The following DLG2 variants were observed in gnomAD, a reference collection of about 807,000 sequenced individuals.
DLG2 encodes the protein discs large MAGUK scaffold protein 2, also known as disks large homolog 2.
Under a neutral mutation model 132.5 loss-of-function variants are expected in DLG2, and 45 were observed. The observed-to-expected ratio is 0.34, with a 90% CI of 0.27 to 0.44. DLG2 has a LOEUF of 0.44. Ranked by LOEUF, DLG2 falls within the 20% of genes least tolerant of loss-of-function variation. The pLI is 1.00. For missense variants in DLG2, 1,045 were observed against 1,196.9 expected, an observed-to-expected ratio of 0.87 and a Z score of 1.87; for synonymous variants, 424 against 419.6, an observed-to-expected ratio of 1.01 and a Z score of -0.13.
At chr11:83,724,458 C>CGTGTGTGT (rs150976898) in intron 18 of DLG2, among the ~76,000 whole-genome samples, 1,263 of 121,352 alleles carry the variant, frequency 0.01, 22 homozygotes, top group African/African-American at 0.029. Flanking sequence ...TCTCTCTCTC[C>CGTGTGTGT]GTGTGTGTGT....
chr11:85,577,805 G>T (rs569632462), intron 3 of DLG2, among the ~76,000 whole-genome samples: 2 of 152,090 alleles, frequency 1.3e-5, no homozygotes, highest in South Asian at 4.1e-4. Context: ...TATAAAAATG[G>T]CCATACTACC....
chr11:84,359,679 G>A (rs769550176), intron 7 of DLG2, among the ~76,000 whole-genome samples: 5 of 151,738 alleles, frequency 3.3e-5, no homozygotes, highest in Non-Finnish European at 7.4e-5. Context: ...TACACTTTGG[G>A]CTTCTACTCT....
At chr11:83,839,748 T>G (rs1461179128) in intron 16 of DLG2, among the ~76,000 whole-genome samples, 2 of 152,228 alleles carry the variant, frequency 1.3e-5, no homozygotes, top group Non-Finnish European at 2.9e-5. Context: ...GAATATAGTT[T>G]CCAAAACCAT....
At chr11:85,467,627 T>C (rs905438018) in intron 3 of DLG2, among the ~76,000 whole-genome samples, 4 of 152,222 alleles carry the variant, frequency 2.6e-5, no homozygotes, top group African/African-American at 7.2e-5. Flanking sequence ...GATTTGCGTA[T>C]GTTGAACCAG....
intron 17 of DLG2, among the ~76,000 whole-genome samples, chr11:83,806,626 A>G (rs1176881099): frequency 1.3e-5 from 2 of 152,212 alleles, no homozygotes; most frequent in Admixed American, 1.3e-4. Flanking sequence ...CCACGAGGGC[A>G]GTCCCAGCCA....
At chr11:84,447,679 A>ATTTC (rs1259205026) in intron 7 of DLG2, among the ~76,000 whole-genome samples, 5 of 151,376 alleles carry the variant, frequency 3.3e-5, no homozygotes, top group African/African-American at 1.2e-4. Context: ...TTATTTATTT[A>ATTTC]TTTATTTAGA....
intron 3 of DLG2, among the ~76,000 whole-genome samples, chr11:85,371,732 C>T (rs1419233894): frequency 6.6e-6 from 1 of 152,150 alleles, no homozygotes; most frequent in Non-Finnish European, 1.5e-5. Context: ...TATCTTGGGA[C>T]CTTTGGAGAG....
chr11:83,855,047 G>A (rs1431358956), intron 16 of DLG2, among the ~76,000 whole-genome samples: 1 of 152,052 alleles, frequency 6.6e-6, no homozygotes, highest in African/African-American at 2.4e-5. Context: ...AAGATAAACA[G>A]ATGACAAATA....
intron 6 of DLG2, among the ~76,000 whole-genome samples, chr11:84,954,507 T>C (rs769055480): frequency 6.6e-6 from 1 of 152,190 alleles, no homozygotes; most frequent in Non-Finnish European, 1.5e-5. Flanking sequence ...GCAAGAAGAC[T>C]ATGTTAGCAG....
At chr11:85,158,006 A>C (rs561358863) in intron 4 of DLG2, among the ~76,000 whole-genome samples, 13 of 152,162 alleles carry the variant, frequency 8.5e-5, no homozygotes, top group Non-Finnish European at 1.6e-4. Flanking sequence ...GCCAGGCAAG[A>C]TAATGTTGAT....
chr11:83,751,459 CA>C (rs2093304019), intron 18 of DLG2, among the ~76,000 whole-genome samples: 1 of 152,040 alleles, frequency 6.6e-6, no homozygotes, highest in African/African-American at 2.4e-5. Context: ...TTTGTGTTGA[CA>C]ACAGATTGAA....
intron 7 of DLG2, among the ~76,000 whole-genome samples, chr11:84,500,888 T>A (rs753153027): frequency 6.6e-5 from 10 of 152,232 alleles, no homozygotes; most frequent in Non-Finnish European, 1.3e-4. Flanking sequence ...TCTTATTTCC[T>A]TATCCAGGTG....
At chr11:84,992,318 T>C (rs2057207147) in intron 6 of DLG2, among the ~76,000 whole-genome samples, 1 of 152,222 alleles carries the variant, frequency 6.6e-6, no homozygotes, top group African/African-American at 2.4e-5. Flanking sequence ...CATTAGACCA[T>C]AAGCTCCATG....
chr11:83,933,804 T>C (rs939123333), intron 14 of DLG2, among the ~76,000 whole-genome samples: 2 of 151,992 alleles, frequency 1.3e-5, no homozygotes, highest in African/African-American at 2.4e-5. Context: ...GCAACCATGA[T>C]CTGTATGGTG....
At chr11:83,491,281 TC>T (rs539002222) in intron 21 of DLG2, among the ~76,000 whole-genome samples, 8 of 151,782 alleles carry the variant, frequency 5.3e-5, no homozygotes, top group African/African-American at 1.9e-4. Context: ...AAAAATCAAA[TC>T]CCAACGACTA....
rs2099555642 is a variant in DLG2, at chr11:84,595,918, C to T, written c.358-61187G>A. Among the ~76,000 whole-genome samples, 7 of 151,990 alleles carry T rather than the reference C, an allele frequency of 4.6e-5. No individual in the cohort carries two copies. The South Asian group carries it at 1.5e-3, about 32-fold the overall frequency. Reference sequence around the variant, plus strand: ...GGAGTTTTAGAAGACTTGAACTCTACAGCATAGAGAAACCAACAAAACCAA... The same window carrying T: ...GGAGTTTTAGAAGACTTGAACTCTATAGCATAGAGAAACCAACAAAACCAA... On this transcript the variant is annotated intron_variant, in intron 6 of 27. Coordinates refer to ENST00000376104, the MANE Select transcript of DLG2 (RefSeq NM_001142699.3).
In DLG2 at chr11:83,697,561, C is replaced by A. The variant is rs138476230; in HGVS notation, c.1826-64236G>T. ...TTGAACTCTCCTTAAGACAAATCAA[C>A]CTCCAACCCCTTACGTATAACAAGC... On this transcript the variant is annotated intron_variant, in intron 18 of 27. Coordinates refer to ENST00000376104, the MANE Select transcript of DLG2 (RefSeq NM_001142699.3). Among the ~76,000 whole-genome samples, 6 of 152,282 alleles carry A rather than the reference C, an allele frequency of 3.9e-5. No individual in the cohort carries two copies. The South Asian group carries it at 8.3e-4, about 21-fold the overall frequency.
intron 9 of DLG2, among the ~76,000 whole-genome samples, chr11:84,112,138 C>A (rs1465587049): frequency 6.6e-6 from 1 of 151,464 alleles, no homozygotes; most frequent in Non-Finnish European, 1.5e-5. Context: ...TCAGCCTCCC[C>A]TCAGGCGCCT....
chr11:84,380,853 A>G (rs1394445566), intron 7 of DLG2, among the ~76,000 whole-genome samples: 2 of 152,028 alleles, frequency 1.3e-5, no homozygotes, highest in African/African-American at 4.8e-5. Flanking sequence ...CAGGAACATC[A>G]TTTTGCATAA....
Sources: allele counts gnomAD v4.1 joint callset (sites outside exome capture counted in the v4.1 genomes callset), GRCh38; gene constraint gnomAD v4.1.1; transcripts MANE v1.5; gene names NCBI Gene and HGNC (gene_info 2026-07-23, HGNC 2026-07-21).